Variants in ARHGEF17 observed in about 807,000 individuals in gnomAD.
ARHGEF17 encodes 164 kDa Rho-specific guanine-nucleotide exchange factor.
ARHGEF17 carries 80 observed loss-of-function variants against 174.0 expected under a neutral mutation model. The ratio of observed to expected loss-of-function variants is 0.46; its 90% CI spans 0.38 to 0.55. The LOEUF is 0.55. ARHGEF17 is among the 20% of genes least tolerant of loss of function. The pLI, the probability that ARHGEF17 is intolerant of heterozygous loss-of-function variation, is 0.00. For synonymous variants in ARHGEF17, 1,311 were observed against 1,189.1 expected (o/e 1.10, Z -2.11); for missense variants, 2,886 against 2,839.7 (o/e 1.02, Z -0.37).
chr11:73,365,972 G>GC lies in ARHGEF17; in HGVS notation c.5995+26dup. ...GGTGGGTCAGTGCATCATACCCCAAGCTAGGGATCATGGACATTTGGTTTA... is the reference window on the plus strand; with the variant it reads ...GGTGGGTCAGTGCATCATACCCCAAGCCTAGGGATCATGGACATTTGGTTTA... On this transcript the variant is annotated intron_variant, in intron 20 of 20. Coordinates refer to ENST00000263674, the MANE Select transcript of ARHGEF17 (RefSeq NM_014786.4). The surrounding 1 kb of genome is among the most constrained non-coding windows in gnomAD (Gnocchi z 4.9). 6.3e-7 allele frequency: 1 copy of GC among 1,586,600 alleles called. No homozygotes were observed. Among genetic ancestry groups the GC allele is most frequent in the Non-Finnish European group, 8.6e-7 (1 of 1,169,176 alleles).
At position 73,311,829 on chromosome 11, in the gene ARHGEF17, T is replaced by C; in HGVS notation, c.3191T>C (p.Val1064Ala). The change falls in exon 1 of 21, where the codon GTG (valine) becomes GCG (alanine). Residue 1064 changes from valine (V) to alanine (A), a missense_variant and splice_region_variant. By Grantham distance (64) the Val-to-Ala change is moderately conservative. Transcript: ENST00000263674. ...AGCAAGTGCTGCAGCAAGCCACAGG[T>C]GGTGAGTCCTTTGTAGGGGCCTTCA... Reference protein sequence around the residue: ...PASKCCSKPQVDMRKHVAMTL... With the variant: ...PASKCCSKPQADMRKHVAMTL... The C allele has an allele frequency of 1.3e-6, 2 of 1,598,598 alleles. No individual in the cohort carries two copies. The highest frequency in any genetic ancestry group is 2.2e-5 in the South Asian group (2 of 90,186).
intron 2 of ARHGEF17, chr11:73,347,267 G>T: frequency 2.1e-6 from 1 of 481,096 alleles, no homozygotes; most frequent in Non-Finnish European, 3.8e-6. Flanking sequence ...CCTCTGATGT[G>T]CCGCCTCCAT....
chr11:73,317,033 A>G (rs1938776), intron 1 of ARHGEF17, among the ~76,000 whole-genome samples: 19,825 of 152,160 alleles, frequency 0.13, 1,609 homozygotes, highest in African/African-American at 0.23. Context: ...AACTTCTCAC[A>G]TGGCTGGGCA....
chr11:73,308,691 TGCTGGAGC>T lies in ARHGEF17; in HGVS notation c.63_70del (p.Trp22ArgfsTer122). On this transcript the variant is annotated frameshift_variant, in exon 1 of 21. Transcript: ENST00000263674. LOFTEE classifies it high-confidence loss of function. ...CTTTACCGCAGCGTCTCGTTCAAGCTGCTGGAGCGCTGGAGCGGCGGCCCCGGGCTGAG... is the reference window on the plus strand; with the variant it reads ...CTTTACCGCAGCGTCTCGTTCAAGCTGCTGGAGCGGCGGCCCCGGGCTGAG... The T allele has an allele frequency of 8.5e-6, 13 of 1,520,638 alleles. No homozygotes were observed. The highest frequency in any genetic ancestry group is 2.8e-5 in the East Asian group (1 of 35,776). 94.2% of individuals were successfully genotyped at this position (1,520,638 alleles called of 1,614,324 possible). A position where few individuals can be genotyped will look rare whatever the true frequency, so the allele number is the denominator to read the frequency against.
intron 1 of ARHGEF17, among the ~76,000 whole-genome samples, chr11:73,332,798 C>T (rs1865229333): frequency 6.6e-6 from 1 of 152,130 alleles, no homozygotes. Context: ...CATCATCTTC[C>T]TCTGTAAAAC....
intron 20 of ARHGEF17, among the ~76,000 whole-genome samples, chr11:73,367,342 C>T (rs927778990): frequency 2.0e-5 from 3 of 152,158 alleles, no homozygotes; most frequent in Non-Finnish European, 2.9e-5. Flanking sequence ...TCAGAAGTGG[C>T]GTCACCTTGG....
rs561530371 is a variant in ARHGEF17 at position 73,366,263 on chromosome 11, T to C, written c.5995+316T>C. 2.6e-5 allele frequency among the ~76,000 whole-genome samples: 4 copies of C among 152,340 alleles called. No individual in the cohort carries two copies. In the South Asian group the frequency reaches 8.3e-4, roughly 32 times the overall value. On this transcript the variant is annotated intron_variant, in intron 20 of 20. Transcript: ENST00000263674. ...AAATAGAATATGTATATAGAAAATA[T>C]GTCCTGTTGTATATATTTCCTATAT... is the stretch of plus-strand genomic sequence containing the variant.
chr11:73,344,019 A>G (rs563023955), intron 1 of ARHGEF17, among the ~76,000 whole-genome samples: 2 of 152,164 alleles, frequency 1.3e-5, no homozygotes, highest in South Asian at 4.1e-4. Context: ...TCAGGGTTTC[A>G]GTCTTTGGGT....
chr11:73,321,257 C>G (rs1865012961), intron 1 of ARHGEF17, among the ~76,000 whole-genome samples: 1 of 140,098 alleles, frequency 7.1e-6, no homozygotes. Context: ...TGTCCTTGCT[C>G]CACTCACCAG....
chr11:73,345,979 G>A (rs557888461), intron 1 of ARHGEF17, among the ~76,000 whole-genome samples: 58 of 152,180 alleles, frequency 3.8e-4, no homozygotes, highest in African/African-American at 1.2e-3. Context: ...GGGGAGAGGT[G>A]TAGGGACTGG....
At chr11:73,357,446 G>A (rs570125331) in intron 9 of ARHGEF17, 119 bp downstream of exon 9, 11 of 920,124 alleles carry the variant, frequency 1.2e-5, no homozygotes, top group African/African-American at 5.0e-5. Context: ...TTTGGGCCTC[G>A]CTCTCTCATC....
chr11:73,309,874 C>A lies in ARHGEF17; in HGVS notation c.1236C>A (p.Gly412=), dbSNP rs1246689060. ...DDLWSSRGSG[G]WGVYRSPSFG... The stretch of plus-strand genomic sequence containing the variant: ...TATGGTCTAGTAGGGGTTCTGGGGG[C>A]TGGGGCGTGTACCGCTCCCCTAGCT... The change falls in exon 1 of 21, where the codon GGC becomes GGA. Residue 412 remains glycine (G), a synonymous_variant. Coordinates refer to ENST00000263674, the MANE Select transcript of ARHGEF17 (RefSeq NM_014786.4). The A allele has an allele frequency of 1.9e-6, 3 of 1,613,240 alleles. No individual in the cohort carries two copies. In the Admixed American group the frequency reaches 5.0e-5, roughly 27 times the overall value.
intron 6 of ARHGEF17, 90 bp from the exon 7 acceptor site, chr11:73,356,619 T>G: frequency 1.3e-6 from 2 of 1,535,216 alleles, no homozygotes; most frequent in Admixed American, 3.4e-5. Flanking sequence ...GCCTAGCCCA[T>G]GGAGTGGGGC....
At chr11:73,355,684 C>A (rs749702607) in intron 4 of ARHGEF17, 35 bp downstream of exon 4, 18 of 1,598,610 alleles carry the variant, frequency 1.1e-5, no homozygotes, top group African/African-American at 2.7e-5. Context: ...TGGAGGTGAC[C>A]CTCACCTTGG....
rs140479743 is a variant in ARHGEF17, at chr11:73,365,873, G to A, written c.5921G>A (p.Arg1974His). ...GLGQGHTGHV[R>H]FLAAVQLPDG... is the part of the protein sequence containing the mutation. ...GGCCAGGGACACACCGGCCACGTCC[G>A]CTTCTTGGCTGCAGTCCAGCTGCCA... The change falls in exon 20 of 21, where the codon CGC (arginine) becomes CAC (histidine). Residue 1974 changes from arginine to histidine, a missense_variant. By Grantham distance (29) the Arg-to-His change is conservative. Around this residue, in one of 4 missense-constraint regions of ARHGEF17, gnomAD observed 329 missense variants for 435.2 expected, o/e 0.76. Transcript: ENST00000263674. This position sits in a 1 kb window ranked among gnomAD's most constrained non-coding sequence, Gnocchi z 4.9. 6.8e-6 allele frequency: 11 copies of A among 1,611,196 alleles called. No homozygotes were observed. Among genetic ancestry groups the A allele is most frequent in the African/African-American group, 1.3e-5 (1 of 75,064 alleles).
chr11:73,352,319 G>A (rs947634867), intron 2 of ARHGEF17, among the ~76,000 whole-genome samples: 6 of 152,122 alleles, frequency 3.9e-5, no homozygotes, highest in South Asian at 2.1e-4. Context: ...GCAAGACTTC[G>A]TCATAAAATA....
Position 73,311,447 on chromosome 11 carries a change from G to T in ARHGEF17, c.2809G>T (p.Asp937Tyr). ...ARSSHQELRR[D>Y]EGSQDQTGSL... The stretch of plus-strand genomic sequence containing the variant: ...GAGTAGTCACCAGGAGCTTCGGAGA[G>T]ACGAGGGCAGTCAGGACCAGACTGG... The change falls in exon 1 of 21, where the codon GAC becomes TAC. Residue 937 changes from aspartate to tyrosine, a missense_variant. Around this residue, in one of 4 missense-constraint regions of ARHGEF17, gnomAD observed 1,728 missense variants for 1,461.2 expected, o/e 1.18. Coordinates refer to ENST00000263674, the MANE Select transcript of ARHGEF17 (RefSeq NM_014786.4). 10 of 1,613,350 alleles carry T rather than the reference G, an allele frequency of 6.2e-6. No individual in the cohort carries two copies. Among genetic ancestry groups the T allele is most frequent in the Non-Finnish European group, 7.6e-6 (9 of 1,180,038 alleles).
At position 73,361,026 on chromosome 11, in the gene ARHGEF17, G is replaced by T; in HGVS notation, c.4421-62G>T. On this transcript the variant is annotated intron_variant, in intron 11 of 20. Coordinates refer to ENST00000263674, the MANE Select transcript of ARHGEF17 (RefSeq NM_014786.4). ...AGGAAGGGGAATGGGGCAGGGGCAG[G>T]ACCAGGGTGAGATGGATGCTATGCT... The T allele has an allele frequency of 2.8e-6, 4 of 1,421,382 alleles. No individual in the cohort carries two copies. In the South Asian group the frequency reaches 4.7e-5, roughly 17 times the overall value. 88.0% of individuals were successfully genotyped at this position (1,421,382 alleles called of 1,614,324 possible).
chr11:73,367,578 C>T lies in ARHGEF17; in HGVS notation c.5996-6C>T, dbSNP rs1218796586. 5.2e-5 allele frequency: 84 copies of T among 1,608,184 alleles called. No individual in the cohort carries two copies. The highest frequency in any genetic ancestry group is 7.1e-5 in the Non-Finnish European group (83 of 1,176,350). ...CAAGCTGACAGATCCTCCCCTCTGC[C>T]CCCAGGCCCCGAGAAGCTGCCATCA... On this transcript the variant is annotated splice_region_variant and splice_polypyrimidine_tract_variant and intron_variant, in intron 20 of 20. Coordinates refer to ENST00000263674, the MANE Select transcript of ARHGEF17 (RefSeq NM_014786.4).
Sources: allele counts gnomAD v4.1 joint callset (sites outside exome capture counted in the v4.1 genomes callset), GRCh38; gene constraint gnomAD v4.1.1; regional missense constraint gnomAD v4.1.1; non-coding constraint Gnocchi (gnomAD v3.1); transcripts MANE v1.5; gene names NCBI Gene and HGNC (gene_info 2026-07-23, HGNC 2026-07-21).